DST: variants seen among roughly 807,000 people sequenced by gnomAD.
The protein encoded by DST is dystonin.
Under a neutral mutation model 875.2 loss-of-function variants are expected in DST, and 253 were observed. The ratio of observed to expected loss-of-function variants is 0.29; its 90% CI spans 0.26 to 0.32. The LOEUF (loss-of-function observed/expected upper bound fraction) is 0.32, where lower values mean the gene tolerates loss of function less well. Among genes scored for constraint, DST ranks in the 10% least tolerant of loss-of-function variants. The pLI is 1.00. For synonymous variants in DST, 3,124 were observed against 3,197.1 expected, an observed-to-expected ratio of 0.98 and a Z score of 0.77; for missense variants, 8,287 against 9,111.6, an observed-to-expected ratio of 0.91 and a Z score of 3.68.
At chr6:56,567,894 A>G in intron 55 of DST, among the ~76,000 whole-genome samples, 1 of 152,354 alleles carries the variant, frequency 6.6e-6, no homozygotes, top group South Asian at 2.1e-4. Context: ...ATCAATATTT[A>G]CACATGAATC....
chr6:56,641,051 T>G (rs2098893839), intron 17 of DST, among the ~76,000 whole-genome samples: 1 of 151,952 alleles, frequency 6.6e-6, no homozygotes, highest in East Asian at 1.9e-4. Flanking sequence ...TACTATAGAT[T>G]CCTAAAGGTG....
At chr6:56,938,112 A>G (rs62417374) in intron 2 of DST, among the ~76,000 whole-genome samples, 4 of 60,020 alleles carry the variant, frequency 6.7e-5, no homozygotes. Flanking sequence ...CTCTCTCTAT[A>G]TATATATATA....
chr6:56,609,408 A>G, intron 39 of DST, 64 bp from the exon 40 acceptor site: 1 of 1,191,344 alleles, frequency 8.4e-7, no homozygotes, highest in Non-Finnish European at 1.2e-6. Context: ...AGTTTCATGC[A>G]ACTTAGGTTT....
intron 90 of DST, among the ~76,000 whole-genome samples, chr6:56,478,182 G>A (rs1313527944): frequency 6.6e-6 from 1 of 152,104 alleles, no homozygotes; most frequent in African/African-American, 2.4e-5. Context: ...AACAAATAAG[G>A]TAAGGAGGTT....
At chr6:56,486,818 A>G (rs1490517021) in intron 87 of DST, among the ~76,000 whole-genome samples, 1 of 152,210 alleles carries the variant, frequency 6.6e-6, no homozygotes, top group Non-Finnish European at 1.5e-5. Context: ...AAGAAGTGAT[A>G]AAAGTGGACA....
Position 56,606,489 on chromosome 6 carries a change from T to C in DST, c.8139A>G (p.Ser2713=), listed in dbSNP as rs1180059121. The C allele has an allele frequency of 6.2e-7, 1 of 1,613,374 alleles. No individual in the cohort carries two copies. ...CCAGTGACTGTCCATTCACCTTATC[T>C]GAGCCAACAGGATTTAAATGTATTT... The part of the protein sequence containing the change: ...GEKIHLNPVG[S]DKVNGQSLET... The change falls in exon 40 of 104, where the codon TCA becomes TCG. Residue 2713 remains serine (S), a synonymous_variant. Coordinates refer to ENST00000680361, the MANE Select transcript of DST (RefSeq NM_001374736.1).
Position 56,900,441 on chromosome 6 carries a change from C to G in DST, c.397G>C (p.Gly133Arg), listed in dbSNP as rs759981364. 2.2e-6 allele frequency: 3 copies of G among 1,367,530 alleles called. No individual in the cohort carries two copies. In the East Asian group the frequency reaches 1.4e-4, roughly 62 times the overall value. The allele number at this position is 1,367,530 out of a possible 1,614,324, so 84.7% of individuals were successfully genotyped here. ...CTTACAGGCCTCCTGATTGAAGCAC[C>G]TTGAACAGAGTGATAAAATTCTGGC... ...VQPEFYHSVQ[G>R]ASIRRPSSGN... The change falls in exon 3 of 104, where the codon GGT (glycine) becomes CGT (arginine). Residue 133 changes from glycine to arginine, a missense_variant. Transcript: ENST00000680361.
intron 4 of DST, among the ~76,000 whole-genome samples, chr6:56,830,318 C>T (rs2099785526): frequency 1.3e-5 from 2 of 151,952 alleles, no homozygotes; most frequent in African/African-American, 4.8e-5. Context: ...ACTGTACACG[C>T]AGTAGTCCCA....
At chr6:56,527,149 C>A (rs1253581195) in intron 68 of DST, among the ~76,000 whole-genome samples, 1 of 152,068 alleles carries the variant, frequency 6.6e-6, no homozygotes, top group South Asian at 2.1e-4. Flanking sequence ...GAAAACCCAC[C>A]CCATGTTATC....
At position 56,553,017 on chromosome 6, in the gene DST, C is replaced by A; in HGVS notation, c.15775G>T (p.Glu5259Ter). The A allele has an allele frequency of 6.2e-7, 1 of 1,613,912 alleles. No homozygotes were observed. The highest frequency in any genetic ancestry group is 8.5e-7 in the Non-Finnish European group (1 of 1,179,896). ...SLIQKVDMVT[E>*]QLHSKKFCLE... The stretch of plus-strand genomic sequence containing the variant: ...CAGAATTTCTTACTGTGAAGTTGTT[C>A]AGTGACCATGTCCACCTTCTGGATC... The change falls in exon 61 of 104, where the codon GAA (glutamate) becomes TAA (stop). Residue 5259 changes from glutamate to a stop codon, truncating the protein, a stop_gained. Coordinates refer to ENST00000680361, the MANE Select transcript of DST (RefSeq NM_001374736.1). LOFTEE classifies it high-confidence loss of function.
At chr6:56,737,178 A>G (rs1310225748) in intron 4 of DST, among the ~76,000 whole-genome samples, 1 of 152,250 alleles carries the variant, frequency 6.6e-6, no homozygotes, top group African/African-American at 2.4e-5. Flanking sequence ...TGGGTGACAC[A>G]GCAAGACCTT....
intron 102 of DST, chr6:56,461,869 G>C (rs2094348198): frequency 1.3e-5 from 2 of 152,222 alleles, no homozygotes; most frequent in African/African-American, 4.8e-5. Flanking sequence ...GGAAGGGGTG[G>C]AAATGAGGGG....
chr6:56,630,317 T>G lies in DST; in HGVS notation c.4209A>C (p.Glu1403Asp). 1 of 1,612,536 alleles carries G rather than the reference T, an allele frequency of 6.2e-7. No homozygotes were observed. Among genetic ancestry groups the G allele is most frequent in the South Asian group, 1.1e-5 (1 of 91,018 alleles). Reference sequence around the variant, plus strand: ...CTGCTTCTTCTTCACACAGTTTAGTTTCATAGAGTTTTACGAGGGCTTCTG... The same window carrying G: ...CTGCTTCTTCTTCACACAGTTTAGTGTCATAGAGTTTTACGAGGGCTTCTG... ...QAAEALVKLY[E>D]TKLCEEEAVI... Residue 1403 changes from glutamate to aspartate, a missense_variant, in exon 31 of 104, where the codon GAA becomes GAC. By Grantham distance (45) the Glu-to-Asp change is conservative (BLOSUM62 2). Coordinates refer to ENST00000680361, the MANE Select transcript of DST (RefSeq NM_001374736.1).
intron 58 of DST, among the ~76,000 whole-genome samples, chr6:56,558,240 A>T (rs2097461599): frequency 6.6e-6 from 1 of 152,108 alleles, no homozygotes; most frequent in Non-Finnish European, 1.5e-5. Flanking sequence ...TGTGTTTTTT[A>T]AAATTATTTG....
chr6:56,908,974 G>C (rs1797706587), intron 2 of DST, among the ~76,000 whole-genome samples: 1 of 152,000 alleles, frequency 6.6e-6, no homozygotes, highest in South Asian at 2.1e-4. Context: ...TAGCCCTCTG[G>C]GCTGCCCTGT....
intron 4 of DST, among the ~76,000 whole-genome samples, chr6:56,806,543 G>C (rs1350238683): frequency 2.0e-5 from 3 of 152,200 alleles, no homozygotes; most frequent in Non-Finnish European, 4.4e-5. Context: ...GTGTGGAGTA[G>C]AGAAAAGAGA....
intron 4 of DST, 114 bp downstream of exon 4, chr6:56,851,283 G>C (rs1765092577): frequency 1.1e-5 from 10 of 945,530 alleles, no homozygotes; most frequent in Non-Finnish European, 1.6e-5. Context: ...CCCCCACCTT[G>C]AGCACAGATT....
chr6:56,871,654 A>G (rs1373799439), intron 3 of DST: 1 of 737,864 alleles, frequency 1.4e-6, no homozygotes. Flanking sequence ...GAAAAGGAAC[A>G]AATTGTTCCT....
At chr6:56,460,456 A>G (rs1424916127) in intron 102 of DST, 4 of 505,200 alleles carry the variant, frequency 7.9e-6, no homozygotes, top group Admixed American at 3.4e-5. Flanking sequence ...TCAGAATTCA[A>G]AGAAACTTTC....
Sources: gnomAD v4.1 joint callset for allele counts (sites outside exome capture counted in the v4.1 genomes callset) on GRCh38, gnomAD v4.1.1 for gene constraint, MANE v1.5 for transcripts, NCBI Gene and HGNC (gene_info 2026-07-23, HGNC 2026-07-21) for gene names.